TRPC4: variants seen among roughly 807,000 people sequenced by gnomAD.
TRPC4 encodes the protein short transient receptor potential channel 4.
Under a neutral mutation model 99.4 loss-of-function variants are expected in TRPC4, and 49 were observed. The observed-to-expected ratio is 0.49, with a 90% CI of 0.39 to 0.63. TRPC4 has a LOEUF of 0.63. TRPC4 is among the 20% of genes least tolerant of loss of function. The pLI, the probability that TRPC4 is intolerant of heterozygous loss-of-function variation, is 0.00. For missense variants in TRPC4, 898 were observed against 1,152.9 expected (o/e 0.78, Z 3.20); for synonymous variants, 454 against 425.9 (o/e 1.07, Z -0.81).
At chr13:37,690,334 A>G (rs1255691416) in intron 4 of TRPC4, among the ~76,000 whole-genome samples, 1 of 152,076 alleles carries the variant, frequency 6.6e-6, no homozygotes. Flanking sequence ...TCATTTTTTG[A>G]GGCAGAGTCT....
intron 3 of TRPC4, among the ~76,000 whole-genome samples, chr13:37,734,645 G>A (rs1414469534): frequency 6.6e-6 from 1 of 151,930 alleles, no homozygotes; most frequent in Non-Finnish European, 1.5e-5. Context: ...TGTGCCCCAG[G>A]AATAAGTACA....
intron 3 of TRPC4, among the ~76,000 whole-genome samples, chr13:37,695,982 G>A (rs1164624860): frequency 1.3e-5 from 2 of 152,144 alleles, no homozygotes; most frequent in African/African-American, 4.8e-5. Context: ...TCACTACATT[G>A]TATTAGTCAG....
intron 3 of TRPC4, among the ~76,000 whole-genome samples, chr13:37,735,770 T>C (rs751466188): frequency 3.9e-5 from 6 of 152,102 alleles, no homozygotes; most frequent in Admixed American, 1.3e-4. Flanking sequence ...AAAGAGCTGC[T>C]TATGTACATT....
At chr13:37,670,306 T>A (rs1166104676) in intron 5 of TRPC4, among the ~76,000 whole-genome samples, 1 of 152,246 alleles carries the variant, frequency 6.6e-6, no homozygotes, top group African/African-American at 2.4e-5. Context: ...AGGTTCTTTT[T>A]CTGAAAAGAA....
intron 6 of TRPC4, among the ~76,000 whole-genome samples, chr13:37,658,305 G>A (rs1952312082): frequency 6.6e-6 from 1 of 152,152 alleles, no homozygotes; most frequent in Non-Finnish European, 1.5e-5. Flanking sequence ...CTTAGGTCCT[G>A]CCTTCCTAAT....
At chr13:37,812,688 T>A (rs193268914) in intron 1 of TRPC4, among the ~76,000 whole-genome samples, 1 of 152,134 alleles carries the variant, frequency 6.6e-6, no homozygotes, top group Non-Finnish European at 1.5e-5. Context: ...GAGAGAAGGT[T>A]AAAAATATTT....
intron 8 of TRPC4, among the ~76,000 whole-genome samples, chr13:37,642,565 G>T (rs767537066): frequency 1.3e-5 from 2 of 152,080 alleles, no homozygotes; most frequent in Non-Finnish European, 2.9e-5. Flanking sequence ...TTGAGGCAAG[G>T]AGAAGCCTAC....
intron 3 of TRPC4, among the ~76,000 whole-genome samples, chr13:37,736,971 G>T (rs530631365): frequency 2.0e-5 from 3 of 149,646 alleles, no homozygotes; most frequent in Non-Finnish European, 4.4e-5. Context: ...GAACTCAAGC[G>T]ATCTGCCTGC....
rs74047127 is a variant in TRPC4 at position 37,719,269 on chromosome 13, G to T, written c.897+26668C>A. 7.5e-3 allele frequency among the ~76,000 whole-genome samples: 1,135 copies of T among 152,144 alleles called. 16 individuals are homozygous for T. Among genetic ancestry groups the T allele is most frequent in the African/African-American group, 0.026 (1,069 of 41,522 alleles). ...AGGCTGAGGTGGGAGAATCACCTGA[G>T]TCTGGGAGGTTGAGGCTGCAGTGAG... On this transcript the variant is annotated intron_variant, in intron 3 of 10. Coordinates refer to ENST00000379705, the MANE Select transcript of TRPC4 (RefSeq NM_016179.4).
intron 3 of TRPC4, 129 bp from the exon 4 acceptor site, chr13:37,692,464 A>T (rs1036985529): frequency 5.7e-6 from 5 of 873,302 alleles, no homozygotes; most frequent in Non-Finnish European, 8.6e-6. Flanking sequence ...ACATTTAAAC[A>T]ATCAAAAGGC....
At chr13:37,717,642 G>A (rs1481644422) in intron 3 of TRPC4, among the ~76,000 whole-genome samples, 1 of 152,096 alleles carries the variant, frequency 6.6e-6, no homozygotes, top group Non-Finnish European at 1.5e-5. Context: ...AGGTGTAAAT[G>A]CAGAAAGAAG....
intron 4 of TRPC4, among the ~76,000 whole-genome samples, chr13:37,679,479 A>G (rs1953165195): frequency 6.6e-6 from 1 of 152,178 alleles, no homozygotes; most frequent in Admixed American, 6.5e-5. Context: ...TTCATAATAA[A>G]ATGTTGAATG....
At chr13:37,686,439 G>GTATATA (rs1239802598) in intron 4 of TRPC4, among the ~76,000 whole-genome samples, 1 of 151,098 alleles carries the variant, frequency 6.6e-6, no homozygotes, top group Non-Finnish European at 1.5e-5. Flanking sequence ...GTGTGTGTGT[G>GTATATA]TATACACACA....
chr13:37,699,463 A>G (rs961997266), intron 3 of TRPC4, among the ~76,000 whole-genome samples: 1 of 152,232 alleles, frequency 6.6e-6, no homozygotes, highest in Non-Finnish European at 1.5e-5. Flanking sequence ...GGGAATACCA[A>G]TAAGATAACT....
At chr13:37,695,198 T>G (rs935743995) in intron 3 of TRPC4, among the ~76,000 whole-genome samples, 7 of 151,896 alleles carry the variant, frequency 4.6e-5, no homozygotes, top group Non-Finnish European at 8.8e-5. Flanking sequence ...CTTCCTTCCT[T>G]CCTCCCACCC....
Position 37,746,113 on chromosome 13 carries a change from A to C in TRPC4, c.721T>G (p.Tyr241Asp). 6.2e-7 allele frequency: 1 copy of C among 1,613,614 alleles called. No homozygotes were observed. The highest frequency in any genetic ancestry group is 8.5e-7 in the Non-Finnish European group (1 of 1,179,848). Reference sequence around the variant, plus strand: ...TTGCACTGCCGTGACAGCTCTTCATACTCCGACTTGAATTCATTTTCCACC... The same window carrying C: ...TTGCACTGCCGTGACAGCTCTTCATCCTCCGACTTGAATTCATTTTCCACC... ...SKVENEFKSE[Y>D]EELSRQCKQF... Residue 241 changes from tyrosine (Y) to aspartate (D), a missense_variant, in exon 3 of 11, where the codon TAT becomes GAT. By Grantham distance (160) the Tyr-to-Asp change is radical. Transcript: ENST00000379705.
intron 8 of TRPC4, among the ~76,000 whole-genome samples, chr13:37,644,599 G>A (rs376557830): frequency 7.7e-4 from 117 of 151,996 alleles, no homozygotes; most frequent in South Asian, 5.0e-3. Context: ...GGCCGGGCGC[G>A]GTGGTTCACG....
At chr13:37,659,300 C>T (rs1459291154) in intron 6 of TRPC4, among the ~76,000 whole-genome samples, 2 of 152,112 alleles carry the variant, frequency 1.3e-5, no homozygotes, top group Non-Finnish European at 2.9e-5. Context: ...CTGCACCTCC[C>T]TCCCTCGCTT....
chr13:37,772,692 G>A (rs570843478), intron 2 of TRPC4, among the ~76,000 whole-genome samples: 14 of 151,734 alleles, frequency 9.2e-5, no homozygotes, highest in East Asian at 5.9e-4. Flanking sequence ...ATCATATCAC[G>A]TCATATTTTA....
Sources: gnomAD v4.1 joint callset for allele counts (sites outside exome capture counted in the v4.1 genomes callset) on GRCh38, gnomAD v4.1.1 for gene constraint, MANE v1.5 for transcripts, NCBI Gene and HGNC (gene_info 2026-07-23, HGNC 2026-07-21) for gene names.